The following RAD51B variants were observed in gnomAD, a reference collection of about 807,000 sequenced individuals.
RAD51B encodes RAD51 paralog B, also known as DNA repair protein RAD51 homolog 2.
A neutral mutation model predicts 42.2 loss-of-function variants in RAD51B; 38 were observed. The observed-to-expected ratio is 0.90, with a 90% CI of 0.70 to 1.18. The LOEUF is 1.18. Among genes scored for constraint, RAD51B ranks in the 50% most tolerant of loss-of-function variants. RAD51B has a pLI of 0.00. For missense variants in RAD51B, 373 were observed against 400.7 expected, an observed-to-expected ratio of 0.93 and a Z score of 0.59; for synonymous variants, 154 against 145.2, an observed-to-expected ratio of 1.06 and a Z score of -0.43.
At chr14:68,497,848 C>A (rs1459445264) in intron 10 of RAD51B, 1 of 210,618 alleles carries the variant, frequency 4.7e-6, no homozygotes. Flanking sequence ...GTACTTCATT[C>A]TTTTTATGGC....
At chr14:67,924,263 T>A (rs893426261) in intron 7 of RAD51B, among the ~76,000 whole-genome samples, 1 of 152,212 alleles carries the variant, frequency 6.6e-6, no homozygotes, top group Non-Finnish European at 1.5e-5. Context: ...CTTGTTTTAG[T>A]TGCGTTTATT....
intron 5 of RAD51B, among the ~76,000 whole-genome samples, chr14:67,880,884 A>G (rs1323682652): frequency 6.6e-6 from 1 of 152,158 alleles, no homozygotes; most frequent in Non-Finnish European, 1.5e-5. Flanking sequence ...GTTATGGAAA[A>G]ATCCCAGGTA....
chr14:68,404,043 C>A (rs1340849002), intron 8 of RAD51B, among the ~76,000 whole-genome samples: 1 of 152,342 alleles, frequency 6.6e-6, no homozygotes, highest in Admixed American at 6.5e-5. Context: ...AATGTTCCCA[C>A]AGTCTTTTAC....
At chr14:68,287,209 A>T (rs2081430018) in intron 7 of RAD51B, among the ~76,000 whole-genome samples, 1 of 152,108 alleles carries the variant, frequency 6.6e-6, no homozygotes, top group East Asian at 1.9e-4. Context: ...TTTTTTAAAG[A>T]TCTTAATTTT....
intron 7 of RAD51B, among the ~76,000 whole-genome samples, chr14:67,916,593 G>T (rs2044159188): frequency 6.6e-6 from 1 of 151,954 alleles, no homozygotes. Flanking sequence ...CAAAGCTTGG[G>T]CTTGGAAGTC....
At chr14:67,926,792 A>G (rs558620222) in intron 7 of RAD51B, among the ~76,000 whole-genome samples, 1 of 151,876 alleles carries the variant, frequency 6.6e-6, no homozygotes, top group South Asian at 2.1e-4. Context: ...TCGAACTCCC[A>G]ACTTTGTGAT....
chr14:68,110,819 C>T (rs2077448892), intron 7 of RAD51B, among the ~76,000 whole-genome samples: 1 of 151,988 alleles, frequency 6.6e-6, no homozygotes, highest in Non-Finnish European at 1.5e-5. Flanking sequence ...GATACTGTGG[C>T]TCTCTTCCTT....
chr14:68,080,683 G>T (rs2076899079), intron 7 of RAD51B, among the ~76,000 whole-genome samples: 1 of 152,106 alleles, frequency 6.6e-6, no homozygotes, highest in South Asian at 2.1e-4. Flanking sequence ...ATCAGTGCAG[G>T]GGTCTATTCA....
chr14:68,429,893 A>G (rs1167737356), intron 9 of RAD51B, among the ~76,000 whole-genome samples: 1 of 151,122 alleles, frequency 6.6e-6, no homozygotes, highest in Admixed American at 6.6e-5. Context: ...CCAACATGTA[A>G]GTCTTTAATC....
intron 9 of RAD51B, among the ~76,000 whole-genome samples, chr14:68,450,281 C>T (rs10142381): frequency 0.082 from 11,359 of 138,774 alleles, 938 homozygotes; most frequent in African/African-American, 0.22. Context: ...TGCAATGGCA[C>T]GATCTCTGCT....
At chr14:68,596,914 G>A (rs934313299), downstream of RAD51B, among the ~76,000 whole-genome samples, 1 of 152,164 alleles carries the variant, frequency 6.6e-6, no homozygotes, top group African/African-American at 2.4e-5. Context: ...TGTTCCAGCC[G>A]GTCACCTCTG....
At chr14:68,099,746 T>C (rs998110155) in intron 7 of RAD51B, among the ~76,000 whole-genome samples, 1 of 152,190 alleles carries the variant, frequency 6.6e-6, no homozygotes, top group Non-Finnish European at 1.5e-5. Context: ...CAAGTAACAC[T>C]AGGCCCTTGT....
At chr14:67,926,350 A>G (rs1230182947) in intron 7 of RAD51B, among the ~76,000 whole-genome samples, 1 of 152,160 alleles carries the variant, frequency 6.6e-6, no homozygotes, top group Non-Finnish European at 1.5e-5. Context: ...TCTCTAGGGC[A>G]GGGGCAAAAT....
intron 11 of RAD51B, among the ~76,000 whole-genome samples, chr14:68,662,127 A>G (rs932162432): frequency 6.6e-6 from 1 of 152,244 alleles, no homozygotes; most frequent in Non-Finnish European, 1.5e-5. Flanking sequence ...AGAGGCCAGC[A>G]GGAGAAATAC....
intron 7 of RAD51B, among the ~76,000 whole-genome samples, chr14:68,250,346 A>G (rs779054860): frequency 2.0e-5 from 3 of 152,148 alleles, no homozygotes; most frequent in Admixed American, 6.5e-5. Context: ...CTATGCTTTT[A>G]AGTTTCTGGA....
At chr14:68,648,038 CACACGTATATAGATGTGTGTGT>C (rs1892602941) in intron 10 of RAD51B, among the ~76,000 whole-genome samples, 4 of 58,446 alleles carry the variant, frequency 6.8e-5, no homozygotes, top group East Asian at 2.3e-3. Flanking sequence ...TATATATATA[CACACGTATATAGATGTGTGTGT>C]GTATATATAT....
At chr14:68,682,217 C>T (rs1440472021) in intron 11 of RAD51B, among the ~76,000 whole-genome samples, 3 of 152,172 alleles carry the variant, frequency 2.0e-5, no homozygotes, top group Admixed American at 6.5e-5. Flanking sequence ...GAGACTCAAA[C>T]CCATCGCCTG....
intron 7 of RAD51B, among the ~76,000 whole-genome samples, chr14:68,204,922 T>C (rs1161579869): frequency 1.3e-5 from 2 of 152,184 alleles, no homozygotes; most frequent in African/African-American, 4.8e-5. Context: ...GAAATACTCA[T>C]GATATAGGAA....
chr14:68,162,093 G>T (rs764538900), intron 7 of RAD51B, among the ~76,000 whole-genome samples: 13 of 152,284 alleles, frequency 8.5e-5, no homozygotes, highest in Non-Finnish European at 1.5e-4. Context: ...TTTCTCGGCT[G>T]TTACTATTAA....
Sources: allele counts gnomAD v4.1 joint callset (sites outside exome capture counted in the v4.1 genomes callset), GRCh38; gene constraint gnomAD v4.1.1; transcripts MANE v1.5; gene names NCBI Gene and HGNC (gene_info 2026-07-23, HGNC 2026-07-21).